The following RASSF8 variants were observed in gnomAD, a reference collection of about 807,000 sequenced individuals.
RASSF8 encodes ras association domain-containing protein 8.
Under a neutral mutation model 48.5 loss-of-function variants are expected in RASSF8, and 22 were observed. The ratio of observed to expected loss-of-function variants is 0.45; its 90% CI spans 0.32 to 0.65. The LOEUF (loss-of-function observed/expected upper bound fraction) is 0.65, where lower values mean the gene tolerates loss of function less well. Ranked by LOEUF, RASSF8 falls within the 30% of genes least tolerant of loss-of-function variation. The pLI is 0.03. For missense variants in RASSF8, 418 were observed against 489.2 expected (o/e 0.85, Z 1.37); for synonymous variants, 127 against 171.5 (o/e 0.74, Z 2.03).
intron 2 of RASSF8, among the ~76,000 whole-genome samples, chr12:26,036,203 T>A (rs1943147328): frequency 6.6e-6 from 1 of 151,888 alleles, no homozygotes; most frequent in African/African-American, 2.4e-5. Flanking sequence ...CTGGATAAGA[T>A]CAGCAATGGC....
intron 2 of RASSF8, among the ~76,000 whole-genome samples, chr12:26,023,520 T>G (rs1294810112): frequency 2.0e-5 from 3 of 152,202 alleles, no homozygotes; most frequent in African/African-American, 7.2e-5. Context: ...ACTAACAATT[T>G]TATGCAAAAT....
At position 26,070,919 on chromosome 12, in the gene RASSF8, T is replaced by G; in HGVS notation, c.*2101T>G. 1.0e-6 allele frequency: 1 copy of G among 984,712 alleles called. No individual in the cohort carries two copies. The highest frequency in any genetic ancestry group is 1.2e-6 in the Non-Finnish European group (1 of 829,298). 61.0% of individuals were successfully genotyped at this position (984,712 alleles called of 1,614,324 possible). Reference sequence around the variant, plus strand: ...TTGTTATCAGAATTAACCTAATAACTTTAAGTAAGGACAAGCAGCATCCTA... The same window carrying G: ...TTGTTATCAGAATTAACCTAATAACGTTAAGTAAGGACAAGCAGCATCCTA... On this transcript the variant is annotated 3_prime_UTR_variant, in exon 6 of 6. Transcript: ENST00000689635.
At chr12:26,030,825 A>G (rs750253667) in intron 2 of RASSF8, among the ~76,000 whole-genome samples, 2 of 152,162 alleles carry the variant, frequency 1.3e-5, no homozygotes, top group Non-Finnish European at 2.9e-5. Flanking sequence ...AGGTAAATAA[A>G]TATTTTAGGC....
intron 2 of RASSF8, among the ~76,000 whole-genome samples, chr12:26,002,293 C>CT (rs1267876391): frequency 1.3e-4 from 19 of 151,574 alleles, no homozygotes; most frequent in Admixed American, 3.3e-4. Context: ...ATTAGTCGGG[C>CT]TTGGTAGCAG....
intron 1 of RASSF8, among the ~76,000 whole-genome samples, chr12:25,978,894 T>C (rs932445237): frequency 6.6e-6 from 1 of 152,104 alleles, no homozygotes; most frequent in African/African-American, 2.4e-5. Context: ...GGATGTTTCT[T>C]GCCCACTATT....
chr12:26,068,569 C>T, intron 5 of RASSF8, 128 bp from the exon 6 acceptor site: 1 of 720,804 alleles, frequency 1.4e-6, no homozygotes, highest in Non-Finnish European at 2.3e-6. Flanking sequence ...GCCCAGGGCA[C>T]ACAGGGGATT....
chr12:26,052,745 C>T (rs1943518739), intron 2 of RASSF8: 2 of 152,172 alleles, frequency 1.3e-5, no homozygotes, highest in East Asian at 1.9e-4. Context: ...TGGATCATGT[C>T]ATCTGCAAAG....
chr12:25,976,852 A>G (rs1039847608), intron 1 of RASSF8, among the ~76,000 whole-genome samples: 10 of 152,172 alleles, frequency 6.6e-5, no homozygotes, highest in African/African-American at 2.2e-4. Context: ...GAACAAGCCC[A>G]GTGTGTTACT....
intron 2 of RASSF8, among the ~76,000 whole-genome samples, chr12:26,049,781 G>C (rs1424953862): frequency 3.3e-5 from 5 of 152,080 alleles, no homozygotes; most frequent in Non-Finnish European, 7.4e-5. Flanking sequence ...GGAAAAGACG[G>C]AATTCTTTTT....
In RASSF8 at chr12:26,008,754, A is replaced by G. The variant is rs866927168; in HGVS notation, c.-109+13624A>G. 2.0e-5 allele frequency among the ~76,000 whole-genome samples: 3 copies of G among 152,346 alleles called. No homozygotes were observed. The Middle Eastern group carries it at 0.01, about 518-fold the overall frequency. The stretch of plus-strand genomic sequence containing the variant: ...GCTTCTGTTTAGGCATATTGCAAGC[A>G]TCTGCATAGAATCTTAATTTTCTTT... On this transcript the variant is annotated intron_variant, in intron 2 of 5. Coordinates refer to ENST00000689635, the MANE Select transcript of RASSF8 (RefSeq NM_001394098.1).
chr12:26,007,006 C>G (rs1031990503), intron 2 of RASSF8, among the ~76,000 whole-genome samples: 2 of 152,124 alleles, frequency 1.3e-5, no homozygotes, highest in African/African-American at 4.8e-5. Flanking sequence ...CAGGCTGCTT[C>G]CACTCATGGT....
intron 2 of RASSF8, among the ~76,000 whole-genome samples, chr12:26,010,136 T>G (rs1474387349): frequency 6.6e-6 from 1 of 152,220 alleles, no homozygotes; most frequent in East Asian, 1.9e-4. Context: ...GCCTAATCCA[T>G]TCTGAGGCCT....
chr12:26,030,217 GT>G (rs140136821), intron 2 of RASSF8, among the ~76,000 whole-genome samples: 2,604 of 151,972 alleles, frequency 0.017, 62 homozygotes, highest in African/African-American at 0.059. Flanking sequence ...TTCTTAGTAG[GT>G]TTTTTTCCCC....
At position 26,070,268 on chromosome 12, in the gene RASSF8, A is replaced by G. The variant is rs1943971765; in HGVS notation, c.*1450A>G. 2.0e-6 allele frequency: 2 copies of G among 984,986 alleles called. No homozygotes were observed. Among genetic ancestry groups the G allele is most frequent in the Admixed American group, 6.2e-5 (1 of 16,260 alleles). The allele number at this position is 984,986 out of a possible 1,614,324, so 61.0% of individuals were successfully genotyped here. On this transcript the variant is annotated 3_prime_UTR_variant, in exon 6 of 6. Coordinates refer to ENST00000689635, the MANE Select transcript of RASSF8 (RefSeq NM_001394098.1). ...AGAGCTATGTCTTATGCATGAAGGC[A>G]ACTTTGGATGTTTTAACACATTTGA...
At chr12:26,039,063 G>A (rs1197897511) in intron 2 of RASSF8, among the ~76,000 whole-genome samples, 2 of 152,080 alleles carry the variant, frequency 1.3e-5, no homozygotes. Context: ...GGAACATCAT[G>A]GATGTTCCTT....
At chr12:25,977,482 AT>A (rs141400700) in intron 1 of RASSF8, among the ~76,000 whole-genome samples, 6 of 149,664 alleles carry the variant, frequency 4.0e-5, no homozygotes, top group East Asian at 1.9e-4. Flanking sequence ...GATTATTTTG[AT>A]TTTTTTTTTC....
chr12:26,068,841 G>A lies in RASSF8; in HGVS notation c.*23G>A. 2 of 1,535,832 alleles carry A rather than the reference G, an allele frequency of 1.3e-6. No homozygotes were observed. Among genetic ancestry groups the A allele is most frequent in the Non-Finnish European group, 1.7e-6 (2 of 1,146,174 alleles). ...TGACATTATCTGTCTTTAGGGAGGAGACCCAACAGAGGTACCAAGGACAGT... is the reference window on the plus strand; with the variant it reads ...TGACATTATCTGTCTTTAGGGAGGAAACCCAACAGAGGTACCAAGGACAGT... On this transcript the variant is annotated 3_prime_UTR_variant, in exon 6 of 6. Coordinates refer to ENST00000689635, the MANE Select transcript of RASSF8 (RefSeq NM_001394098.1).
At chr12:26,039,942 A>G (rs1409038124) in intron 2 of RASSF8, among the ~76,000 whole-genome samples, 1 of 152,238 alleles carries the variant, frequency 6.6e-6, no homozygotes, top group South Asian at 2.1e-4. Flanking sequence ...CTACATAATC[A>G]TGTATGTTAC....
At chr12:26,041,396 T>G (rs1230045309) in intron 2 of RASSF8, among the ~76,000 whole-genome samples, 1 of 152,224 alleles carries the variant, frequency 6.6e-6, no homozygotes, top group Admixed American at 6.5e-5. Context: ...ATTTCCAATT[T>G]GTAGAATTTT....
Sources: gnomAD v4.1 joint callset for allele counts (sites outside exome capture counted in the v4.1 genomes callset) on GRCh38, gnomAD v4.1.1 for gene constraint, MANE v1.5 for transcripts, NCBI Gene and HGNC (gene_info 2026-07-23, HGNC 2026-07-21) for gene names.